The following ALDOA variants were observed in gnomAD, a reference collection of about 807,000 sequenced individuals.
ALDOA encodes aldolase, fructose-bisphosphate A.
A neutral mutation model predicts 43.9 loss-of-function variants in ALDOA; 26 were observed. The ratio of observed to expected loss-of-function variants is 0.59; its 90% confidence interval spans 0.43 to 0.82. The LOEUF (loss-of-function observed/expected upper bound fraction) is 0.82. Among genes scored for constraint, ALDOA ranks in the 40% least tolerant of loss-of-function variants. The pLI is 0.00. For synonymous variants in ALDOA, 258 were observed against 222.6 expected, an observed-to-expected ratio of 1.16 and a Z score of -1.42; for missense variants, 498 against 549.5, an observed-to-expected ratio of 0.91 and a Z score of 0.94.
chr16:30,064,362 G>A, upstream of ALDOA: 1 of 398,834 alleles, frequency 2.5e-6, no homozygotes, highest in East Asian at 3.6e-5. Context: ...TAGAGAAGGA[G>A]CCAGGGAGGG....
chr16:30,068,828 G>A lies in ALDOA; in HGVS notation c.552G>A (p.Gly184=), dbSNP rs1456118718. The A allele has an allele frequency of 5.0e-6, 8 of 1,614,226 alleles. No individual in the cohort carries two copies. The South Asian group carries it at 8.8e-5, about 18-fold the overall frequency. Residue 184 remains glycine, a synonymous_variant, in exon 6 of 10, where the codon GGG becomes GGA. Coordinates refer to ENST00000642816, the MANE Select transcript of ALDOA (RefSeq NM_001243177.4). ...NGETTTQGLD[G]LSERCAQYKK... is the part of the protein sequence containing the mutation. ...TTCCTCTTCTCTTAGGGTTGGATGG[G>A]CTGTCTGAGCGCTGTGCCCAGTACA...
rs1042125050 is a variant in ALDOA at position 30,069,160 on chromosome 16, G to T, written c.703-146G>T. 3.0e-6 allele frequency: 4 copies of T among 1,324,996 alleles called. No individual in the cohort carries two copies. The Admixed American group carries it at 7.7e-5, about 26-fold the overall frequency. The allele number at this position is 1,324,996 out of a possible 1,614,324, so 82.1% of individuals were successfully genotyped here. On this transcript the variant is annotated intron_variant, in intron 6 of 9. Coordinates refer to ENST00000642816, the MANE Select transcript of ALDOA (RefSeq NM_001243177.4). Reference sequence around the variant, plus strand: ...AGGAGGGATGGTGGGTGGATCTGAGGCGGCTCTTGTCTCCTGTAATCTGAG... The same window carrying T: ...AGGAGGGATGGTGGGTGGATCTGAGTCGGCTCTTGTCTCCTGTAATCTGAG...
intron 1 of ALDOA, chr16:30,066,320 C>T (rs905068800): frequency 6.6e-6 from 1 of 152,486 alleles, no homozygotes; most frequent in African/African-American, 2.4e-5. Flanking sequence ...AACGGGGCGC[C>T]CTTCGCGAGG....
intron 1 of ALDOA, chr16:30,066,284 G>A (rs1397985531): frequency 6.6e-6 from 1 of 152,544 alleles, no homozygotes; most frequent in Admixed American, 6.5e-5. Flanking sequence ...GTTCTCGCAA[G>A]TGGGAGCTTG....
At chr16:30,067,822 T>C in intron 4 of ALDOA, 161 bp downstream of exon 4, 1 of 792,630 alleles carries the variant, frequency 1.3e-6, no homozygotes, top group Non-Finnish European at 2.1e-6. Flanking sequence ...TCCTCACAAT[T>C]CTGAGAGAAC....
intron 9 of ALDOA, 29 bp downstream of exon 9, chr16:30,070,058 G>T (rs371956038): frequency 1.8e-5 from 29 of 1,613,532 alleles, no homozygotes; most frequent in Middle Eastern, 1.6e-4. Flanking sequence ...TGGGCAGGGT[G>T]CCTGGGTGGA....
rs1306729484 is a variant in ALDOA, at chr16:30,069,954, C to T, written c.1086C>T (p.Ala362=). Residue 362 remains alanine, a synonymous_variant, in exon 9 of 10, where the codon GCC becomes GCT. Coordinates refer to ENST00000642816, the MANE Select transcript of ALDOA (RefSeq NM_001243177.4). ...TCTCCTACGGCCGAGCCCTGCAGGCCTCTGCCCTGAAGGCCTGGGGCGGGA... is the reference window on the plus strand; with the variant it reads ...TCTCCTACGGCCGAGCCCTGCAGGCTTCTGCCCTGAAGGCCTGGGGCGGGA... The part of the protein sequence containing the change: ...LTFSYGRALQ[A]SALKAWGGKK... 2 of 1,614,036 alleles carry T rather than the reference C, an allele frequency of 1.2e-6. No homozygotes were observed. Among genetic ancestry groups the T allele is most frequent in the East Asian group, 2.2e-5 (1 of 44,876 alleles).
At chr16:30,064,587 A>C (rs547961701), upstream of ALDOA, 1 of 398,200 alleles carries the variant, frequency 2.5e-6, no homozygotes, top group Non-Finnish European at 4.4e-6. Context: ...GCCCCACGAT[A>C]GTGTGAATGT....
chr16:30,065,746 GCCGCCTTCCGCCTGCCCGCCTCCT>G (rs1425958388), exon 1 of ALDOA: 4 of 152,552 alleles, frequency 2.6e-5, no homozygotes, highest in Non-Finnish European at 5.9e-5. Flanking sequence ...AAGGCCGGGC[GCCGCCTTCCGCCTGCCCGCCTCCT>G]GCGCCGCCCC....
rs776135373 is a variant in ALDOA at position 30,067,517 on chromosome 16, C to T, written c.342C>T (p.Arg114=). The T allele has an allele frequency of 1.2e-6, 2 of 1,613,896 alleles. No individual in the cohort carries two copies. Among genetic ancestry groups the T allele is most frequent in the Non-Finnish European group, 1.7e-6 (2 of 1,180,034 alleles). The part of the protein sequence containing the change: ...ENTEENRRFY[R]QLLLTADDRV... ...CCGAGGAGAACCGGCGCTTCTACCGCCAGCTGCTGCTGACAGCTGACGACC... is the reference window on the plus strand; with the variant it reads ...CCGAGGAGAACCGGCGCTTCTACCGTCAGCTGCTGCTGACAGCTGACGACC... Residue 114 remains arginine (R), a synonymous_variant, in exon 4 of 10, where the codon CGC becomes CGT. Transcript: ENST00000642816.
intron 9 of ALDOA, 31 bp downstream of exon 9, chr16:30,070,060 C>T (rs566822802): frequency 1.2e-6 from 2 of 1,613,674 alleles, no homozygotes; most frequent in African/African-American, 2.7e-5. Context: ...GGCAGGGTGC[C>T]TGGGTGGATG....
At position 30,070,101 on chromosome 16, in the gene ALDOA, C is replaced by T. The variant is rs369822049; in HGVS notation, c.1162-16C>T. ...CGGAGAAGAGCCCTTCTCACTCCACCCCTCTCCCTGCTTAGGCCAACAGCC... is the reference window on the plus strand; with the variant it reads ...CGGAGAAGAGCCCTTCTCACTCCACTCCTCTCCCTGCTTAGGCCAACAGCC... On this transcript the variant is annotated splice_polypyrimidine_tract_variant and intron_variant, in intron 9 of 9. Coordinates refer to ENST00000642816, the MANE Select transcript of ALDOA (RefSeq NM_001243177.4). 1.7e-4 allele frequency: 276 copies of T among 1,613,750 alleles called. No homozygotes were observed. Among genetic ancestry groups the T allele is most frequent in the Non-Finnish European group, 2.1e-4 (253 of 1,179,972 alleles).
rs561867079 is a variant in ALDOA at position 30,065,924 on chromosome 16, C to T, written c.-17C>T. 269 of 153,120 alleles carry T rather than the reference C, an allele frequency of 1.8e-3. No homozygotes were observed. Among genetic ancestry groups the T allele is most frequent in the Non-Finnish European group, 3.1e-3 (215 of 68,334 alleles). The allele number at this position is 153,120 out of a possible 1,614,324, so 9.5% of individuals were successfully genotyped here. The stretch of plus-strand genomic sequence containing the variant: ...CCTGCACACCCGCCCCTCTCCTGTG[C>T]CAGGTGAGCGCCCCTCTTCACGTGC... On this transcript the variant is annotated 5_prime_UTR_variant, in exon 1 of 10. Coordinates refer to ENST00000642816, the MANE Select transcript of ALDOA (RefSeq NM_001243177.4).
chr16:30,069,263 T>G, intron 6 of ALDOA, 43 bp from the exon 7 acceptor site: 1 of 1,603,062 alleles, frequency 6.2e-7, no homozygotes, highest in Non-Finnish European at 8.5e-7. Context: ...GGTGGGACTC[T>G]GGGTTAGGAG....
rs572924734 is a variant in ALDOA at position 30,070,310 on chromosome 16, C to T, written c.*98C>T. 1.2e-4 allele frequency: 145 copies of T among 1,173,900 alleles called. 2 individuals carry two copies. The South Asian group carries it at 1.6e-3, about 13-fold the overall frequency. The allele number at this position is 1,173,900 out of a possible 1,614,324, so 72.7% of individuals were successfully genotyped here. ...CCTCGGGGCTCCAGGCTGGCTTGCC[C>T]GCGCTCTTTCTTCCCTCGTGACAGT... On this transcript the variant is annotated 3_prime_UTR_variant, in exon 10 of 10. Transcript: ENST00000642816.
intron 2 of ALDOA, 73 bp downstream of exon 2, chr16:30,067,111 G>T: frequency 1.3e-6 from 2 of 1,571,712 alleles, no homozygotes; most frequent in Non-Finnish European, 1.7e-6. Flanking sequence ...CCCAGGGCCT[G>T]CTGGGTGTGG....
intron 6 of ALDOA, 136 bp from the exon 7 acceptor site, chr16:30,069,170 T>G (rs1307005452): frequency 7.5e-7 from 1 of 1,326,726 alleles, no homozygotes; most frequent in Non-Finnish European, 1.1e-6. Flanking sequence ...GCGGCTCTTG[T>G]CTCCTGTAAT....
chr16:30,066,943 C>G lies in ALDOA; in HGVS notation c.46C>G (p.Leu16Val), dbSNP rs776529531. The G allele has an allele frequency of 1.9e-6, 3 of 1,550,968 alleles. No homozygotes were observed. The highest frequency in any genetic ancestry group is 2.6e-6 in the Non-Finnish European group (3 of 1,147,282). ...AGGGTCCAGCTTCAACATGACCCAC[C>G]TGTCCATGGCTATGGCCTTTTCCTT... The part of the protein sequence containing the change: ...PEGSSFNMTH[L>V]SMAMAFSFPP... Residue 16 changes from leucine to valine, a missense_variant, in exon 2 of 10, where the codon CTG (leucine) becomes GTG (valine). Leu to Val is a conservative substitution (Grantham distance 32, BLOSUM62 1). Coordinates refer to ENST00000642816, the MANE Select transcript of ALDOA (RefSeq NM_001243177.4).
chr16:30,067,742 G>GC, intron 4 of ALDOA, 81 bp downstream of exon 4: 2 of 1,541,570 alleles, frequency 1.3e-6, no homozygotes, highest in East Asian at 4.5e-5. Context: ...GGGAATGAAT[G>GC]CTGGATTGGT....
Sources: allele counts gnomAD v4.1 joint callset, GRCh38; gene constraint gnomAD v4.1.1; transcripts MANE v1.5; gene names NCBI Gene and HGNC (gene_info 2026-07-23, HGNC 2026-07-21).